ARHGEF28: variants seen among roughly 807,000 people sequenced by gnomAD.
ARHGEF28 encodes Rho guanine nucleotide exchange factor 28.
Under a neutral mutation model 206.6 loss-of-function variants are expected in ARHGEF28, and 152 were observed. The ratio of observed to expected loss-of-function variants is 0.74; its 90% CI spans 0.64 to 0.84. ARHGEF28 has a LOEUF of 0.84. Among genes scored for constraint, ARHGEF28 ranks in the 40% least tolerant of loss-of-function variants. The probability of loss-of-function intolerance (pLI) is 0.00; values close to 1 mark genes in which losing one functional copy is unlikely to be tolerated. For synonymous variants in ARHGEF28, 763 were observed against 776.4 expected, an observed-to-expected ratio of 0.98 and a Z score of 0.29; for missense variants, 2,028 against 2,073.2, an observed-to-expected ratio of 0.98 and a Z score of 0.42.
At chr5:73,818,527 T>C (rs918400340) in intron 9 of ARHGEF28, among the ~76,000 whole-genome samples, 3 of 152,126 alleles carry the variant, frequency 2.0e-5, no homozygotes, top group Non-Finnish European at 4.4e-5. Flanking sequence ...GAAATCCTTA[T>C]TAAGGAAGGG....
chr5:73,780,815 G>A (rs1340775766), intron 7 of ARHGEF28, 70 bp downstream of exon 7: 1 of 1,505,896 alleles, frequency 6.6e-7, no homozygotes, highest in Non-Finnish European at 9.0e-7. Context: ...CCAGTCCGTT[G>A]AAGTGTGTGG....
intron 9 of ARHGEF28, among the ~76,000 whole-genome samples, chr5:73,824,853 G>A (rs944767319): frequency 1.3e-5 from 2 of 152,026 alleles, no homozygotes; most frequent in South Asian, 4.1e-4. Flanking sequence ...GTGATCAGTA[G>A]ACACTCAGTA....
intron 9 of ARHGEF28, among the ~76,000 whole-genome samples, chr5:73,814,458 T>C (rs1274467409): frequency 6.6e-6 from 1 of 152,068 alleles, no homozygotes; most frequent in East Asian, 1.9e-4. Flanking sequence ...CCTGAGAAGC[T>C]GTTATCCCAT....
intron 35 of ARHGEF28, among the ~76,000 whole-genome samples, chr5:73,916,540 C>T (rs528782022): frequency 7.1e-4 from 108 of 152,288 alleles, no homozygotes; most frequent in African/African-American, 2.5e-3. Flanking sequence ...CTTCTTCCTG[C>T]GTCTTCACCT....
intron 4 of ARHGEF28, among the ~76,000 whole-genome samples, chr5:73,771,553 A>G (rs915169705): frequency 2.0e-5 from 3 of 151,958 alleles, no homozygotes; most frequent in Non-Finnish European, 4.4e-5. Context: ...ATCTCAAAAA[A>G]AAAAAAGGAG....
At chr5:73,681,854 C>T (rs754324811) in intron 1 of ARHGEF28, among the ~76,000 whole-genome samples, 18 of 152,072 alleles carry the variant, frequency 1.2e-4, no homozygotes, top group Non-Finnish European at 2.4e-4. Context: ...AATCCCAGCA[C>T]TGTGGGAGGC....
chr5:73,908,340 A>G (rs1762661642), intron 33 of ARHGEF28: 1 of 152,206 alleles, frequency 6.6e-6, no homozygotes, highest in Admixed American at 6.5e-5. Flanking sequence ...TCAAATCCCC[A>G]TCTTCCCAAC....
At chr5:73,702,401 C>T (rs753267965) in intron 2 of ARHGEF28, among the ~76,000 whole-genome samples, 28 of 152,210 alleles carry the variant, frequency 1.8e-4, no homozygotes, top group African/African-American at 2.7e-4. Flanking sequence ...AGCTGAAACT[C>T]GGTATCCTCT....
At chr5:73,739,657 A>C (rs565805228) in intron 2 of ARHGEF28, among the ~76,000 whole-genome samples, 1 of 151,648 alleles carries the variant, frequency 6.6e-6, no homozygotes, top group South Asian at 2.1e-4. Flanking sequence ...CTCTCTACCA[A>C]AAAATTAGCT....
At chr5:73,674,063 CAG>C (rs1001082840) in intron 1 of ARHGEF28, among the ~76,000 whole-genome samples, 91 of 151,130 alleles carry the variant, frequency 6.0e-4, no homozygotes, top group African/African-American at 2.0e-3. Context: ...TCCAGCTACT[CAG>C]AGGGCTGAGG....
intron 35 of ARHGEF28, among the ~76,000 whole-genome samples, chr5:73,924,823 A>C (rs1396742150): frequency 6.6e-6 from 1 of 152,044 alleles, no homozygotes; most frequent in Admixed American, 6.6e-5. Context: ...CCCTTCCCAA[A>C]CCCTTTCAAC....
intron 2 of ARHGEF28, among the ~76,000 whole-genome samples, chr5:73,739,895 T>C (rs555325295): frequency 6.7e-6 from 1 of 150,012 alleles, no homozygotes; most frequent in Non-Finnish European, 1.5e-5. Context: ...GGGCTGGATG[T>C]GATGGCTCAT....
chr5:73,747,287 G>A (rs187716970), intron 2 of ARHGEF28, among the ~76,000 whole-genome samples: 7 of 152,220 alleles, frequency 4.6e-5, no homozygotes, highest in Non-Finnish European at 7.4e-5. Flanking sequence ...TCTGTACATT[G>A]GAATTTTGTC....
rs12658736 is a variant in ARHGEF28, at chr5:73,809,225, A to G, written c.1024+13834A>G. 1.2e-3 allele frequency among the ~76,000 whole-genome samples: 175 copies of G among 151,866 alleles called. 5 individuals carry two copies. The East Asian group carries it at 0.03, about 26-fold the overall frequency. ...GTCTCAAAAAAAAAACAAAACACAA[A>G]AAACTGTTTCAGTGTCTATAACAGA... On this transcript the variant is annotated intron_variant, in intron 9 of 35. Transcript: ENST00000513042.
chr5:73,909,622 T>C lies in ARHGEF28; in HGVS notation c.4372T>C (p.Cys1458Arg). 2.6e-6 allele frequency: 4 copies of C among 1,551,506 alleles called. No homozygotes were observed. Among genetic ancestry groups the C allele is most frequent in the Non-Finnish European group, 3.5e-6 (4 of 1,147,730 alleles). ...GGAGCAGCGGCGCTGGCTGCGCAGG[T>C]GTGAGCAGCAGCAGCGGGCGCAGGC... The part of the protein sequence containing the change: ...QQEQRRWLRR[C>R]EQQQRAQATR... Residue 1458 changes from cysteine (C) to arginine (R), a missense_variant, in exon 34 of 36, where the codon TGT becomes CGT. Around this residue, in one of 3 missense-constraint regions of ARHGEF28, gnomAD observed 803 missense variants for 768.0 expected, o/e 1.05. Coordinates refer to ENST00000513042, the MANE Select transcript of ARHGEF28 (RefSeq NM_001177693.2).
At chr5:73,832,591 G>T in intron 10 of ARHGEF28, 132 bp downstream of exon 10, 2 of 1,257,646 alleles carry the variant, frequency 1.6e-6, no homozygotes, top group Non-Finnish European at 2.2e-6. Context: ...TGCTGTTGTG[G>T]GGTCTCATTG....
chr5:73,684,232 A>G (rs999331363), intron 1 of ARHGEF28, among the ~76,000 whole-genome samples: 1 of 152,036 alleles, frequency 6.6e-6, no homozygotes, highest in Non-Finnish European at 1.5e-5. Flanking sequence ...ATAACTCTCC[A>G]TTCTCCCCAA....
intron 1 of ARHGEF28, among the ~76,000 whole-genome samples, chr5:73,636,887 G>A (rs1743751685): frequency 2.0e-5 from 3 of 152,126 alleles, no homozygotes; most frequent in South Asian, 4.1e-4. Context: ...CGAGCATCAC[G>A]CTTGGCTCCC....
chr5:73,654,332 G>A (rs1326344138), intron 1 of ARHGEF28, among the ~76,000 whole-genome samples: 1 of 152,218 alleles, frequency 6.6e-6, no homozygotes, highest in Non-Finnish European at 1.5e-5. Flanking sequence ...AGGAAGCATG[G>A]CCTGAGGCAC....
Sources: gnomAD v4.1 joint callset for allele counts (sites outside exome capture counted in the v4.1 genomes callset) on GRCh38, gnomAD v4.1.1 for gene constraint, gnomAD v4.1.1 regional missense constraint, MANE v1.5 for transcripts, NCBI Gene and HGNC (gene_info 2026-07-23, HGNC 2026-07-21) for gene names.